GALNT16: variants seen among roughly 807,000 people sequenced by gnomAD.
GALNT16 encodes the protein UDP-GalNAc:polypeptide N-acetylgalactosaminyltransferase-like protein 1.
GALNT16 carries 40 observed loss-of-function variants against 76.1 expected under a neutral mutation model. The observed-to-expected ratio is 0.53, with a 90% CI of 0.41 to 0.68. GALNT16 has a LOEUF of 0.68. GALNT16 is among the 30% of genes least tolerant of loss of function. The probability of loss-of-function intolerance (pLI) is 0.00; values close to 1 mark genes in which losing one functional copy is unlikely to be tolerated. For synonymous variants in GALNT16, 276 were observed against 285.2 expected (o/e 0.97, Z 0.32); for missense variants, 621 against 731.9 (o/e 0.85, Z 1.75).
chr14:69,288,081 A>T (rs2044638899), intron 1 of GALNT16, among the ~76,000 whole-genome samples: 2 of 152,220 alleles, frequency 1.3e-5, no homozygotes, highest in African/African-American at 4.8e-5. Flanking sequence ...TGCCTAGCTC[A>T]ATTCTTTGTG....
At chr14:69,320,587 A>G (rs1192569496) in intron 1 of GALNT16, 124 bp from the exon 2 acceptor site, 1 of 715,848 alleles carries the variant, frequency 1.4e-6, no homozygotes. Context: ...TCTCCTCCTC[A>G]TAGAGTTGGC....
At chr14:69,263,370 G>A (rs1387483183) in intron 1 of GALNT16, among the ~76,000 whole-genome samples, 3 of 152,228 alleles carry the variant, frequency 2.0e-5, no homozygotes, top group African/African-American at 7.2e-5. Context: ...AAAGGGGCAG[G>A]TGCAGCTGAG....
chr14:69,265,105 T>TG (rs1482885015), intron 1 of GALNT16, among the ~76,000 whole-genome samples: 2 of 152,144 alleles, frequency 1.3e-5, no homozygotes, highest in African/African-American at 4.8e-5. Context: ...CGTGAGCCAC[T>TG]GCGCCCAGCC....
chr14:69,314,354 T>C (rs868539219), intron 1 of GALNT16, among the ~76,000 whole-genome samples: 2 of 152,236 alleles, frequency 1.3e-5, no homozygotes, highest in Non-Finnish European at 2.9e-5. Context: ...CAGTAAGAAC[T>C]GCCATTCTAT....
At chr14:69,288,303 C>T (rs2044643389) in intron 1 of GALNT16, among the ~76,000 whole-genome samples, 1 of 152,340 alleles carries the variant, frequency 6.6e-6, no homozygotes, top group African/African-American at 2.4e-5. Flanking sequence ...CCACTACCCC[C>T]TGCTGCGTCT....
At chr14:69,366,959 G>A in the GALNT16 span, among the ~76,000 whole-genome samples, 4 of 152,180 alleles carry the variant, frequency 2.6e-5, no homozygotes, top group Non-Finnish European at 5.9e-5. Context: ...GGTTATCATG[G>A]AAGGCTTCCT....
rs1164056627 is a variant in GALNT16, at chr14:69,312,055, ATCTGTCT to A, written c.178-8655_178-8649del. ...CCTGTTTCTAAAAAAAAAAAAAAAA[ATCTGTCT>A]ATCTATCTATCTATCTATCTATCTA... On this transcript the variant is annotated intron_variant, in intron 1 of 14. Coordinates refer to ENST00000448469, the MANE Select transcript of GALNT16 (RefSeq NM_001168368.2). Among the ~76,000 whole-genome samples, 197 of 90,152 alleles carry A rather than the reference ATCTGTCT, an allele frequency of 2.2e-3. 1 individual carries two copies. Among genetic ancestry groups the A allele is most frequent in the Admixed American group, 6.2e-3 (40 of 6,496 alleles). 59.1% of individuals were successfully genotyped at this position (90,152 alleles called of 152,430 possible).
chr14:69,297,229 C>T (rs76336831), intron 1 of GALNT16, among the ~76,000 whole-genome samples: 23 of 152,314 alleles, frequency 1.5e-4, no homozygotes, highest in East Asian at 1.3e-3. Flanking sequence ...CCCTCTTTGG[C>T]GGTCGTATCG....
At chr14:69,380,004 TACTTAA>T in the GALNT16 span, 1 of 151,142 alleles carries the variant, frequency 6.6e-6, no homozygotes, top group East Asian at 1.9e-4. Context: ...TGTTGCGCAC[TACTTAA>T]ACTTTCTTCA....
chr14:69,333,447 T>G lies in GALNT16; in HGVS notation c.864-50T>G, dbSNP rs1166776952. 1 of 1,146,124 alleles carries G rather than the reference T, an allele frequency of 8.7e-7. No homozygotes were observed. Among genetic ancestry groups the G allele is most frequent in the Admixed American group, 1.7e-5 (1 of 58,898 alleles). 71.0% of individuals were successfully genotyped at this position (1,146,124 alleles called of 1,614,324 possible). A position where few individuals can be genotyped will look rare whatever the true frequency, so the allele number is the denominator to read the frequency against. On this transcript the variant is annotated intron_variant, in intron 8 of 14. Coordinates refer to ENST00000448469, the MANE Select transcript of GALNT16 (RefSeq NM_001168368.2). The surrounding 1 kb of genome is among the most constrained non-coding windows in gnomAD (Gnocchi z 4.2). ...GGGTCCTGGGGCCATCTAAAGGGCC[T>G]CCTTGCTTCTCCAGCTCACGTGTTG...
At chr14:69,376,669 G>A in the GALNT16 span, among the ~76,000 whole-genome samples, 1 of 151,822 alleles carries the variant, frequency 6.6e-6, no homozygotes, top group Admixed American at 6.6e-5. Flanking sequence ...ACTGACTCAT[G>A]GTCAACTTGG....
intron 2 of GALNT16, among the ~76,000 whole-genome samples, chr14:69,322,981 TGCGCGC>T (rs1555400172): frequency 3.5e-5 from 1 of 28,324 alleles, no homozygotes; most frequent in Admixed American, 4.0e-4. Flanking sequence ...TGTGTGTGTG[TGCGCGC>T]GCACGCGCGC....
In GALNT16 at chr14:69,347,968, T is replaced by C. The variant is rs773637812; in HGVS notation, c.1505T>C (p.Ile502Thr). ...ATGTCCTCCCCTGGATCCCCAGTCA[T>C]ACTGCAGATGTGCAACCCTAGAGAA... ...TLMSSPGSPV[I>T]LQMCNPREGK... Residue 502 changes from isoleucine to threonine, a missense_variant, in exon 14 of 15, where the codon ATA (isoleucine) becomes ACA (threonine). Ile to Thr is a moderately conservative substitution (Grantham distance 89). Coordinates refer to ENST00000448469, the MANE Select transcript of GALNT16 (RefSeq NM_001168368.2). 40 of 1,613,958 alleles carry C rather than the reference T, an allele frequency of 2.5e-5. No individual in the cohort carries two copies. The Admixed American group carries it at 6.7e-4, about 27-fold the overall frequency.
chr14:69,261,467 A>T lies in GALNT16; in HGVS notation c.177+1000A>T, dbSNP rs2140092438. On this transcript the variant is annotated intron_variant, in intron 1 of 14. Transcript: ENST00000448469. The surrounding 1 kb of genome is among the most constrained non-coding windows in gnomAD (Gnocchi z 6.4). ...ACGAGAGCCTCGGACGACCCTCGGG[A>T]ACTACCAGGGCGGGGCAGCCTGGCC... is the stretch of plus-strand genomic sequence containing the variant. Among the ~76,000 whole-genome samples the T allele has an allele frequency of 6.6e-6, 1 of 152,106 alleles. No individual in the cohort carries two copies. The highest frequency in any genetic ancestry group is 1.9e-4 in the East Asian group (1 of 5,140).
chr14:69,337,211 A>G lies in GALNT16; in HGVS notation c.968-1440A>G, dbSNP rs567383370. On this transcript the variant is annotated intron_variant, in intron 9 of 14. Transcript: ENST00000448469. ...AGTGTGGCTTGCTGGACACAATGTG[A>G]ACTTGATGCTGCACTTCTGCAACTG... 2.2e-4 allele frequency among the ~76,000 whole-genome samples: 33 copies of G among 152,312 alleles called. 1 individual carries two copies. The South Asian group carries it at 6.8e-3, about 32-fold the overall frequency.
intron 1 of GALNT16, among the ~76,000 whole-genome samples, chr14:69,305,345 T>G (rs1275157279): frequency 1.3e-5 from 2 of 152,064 alleles, no homozygotes; most frequent in African/African-American, 4.8e-5. Flanking sequence ...GTATTTTGTG[T>G]AGAGACAGGG....
At chr14:69,306,879 C>T (rs914259244) in intron 1 of GALNT16, among the ~76,000 whole-genome samples, 20 of 152,140 alleles carry the variant, frequency 1.3e-4, no homozygotes, top group African/African-American at 4.6e-4. Flanking sequence ...ATAACCATTC[C>T]GGTGGCTTAA....
chr14:69,338,443 G>A (rs1001013652), intron 9 of GALNT16, among the ~76,000 whole-genome samples: 1 of 152,160 alleles, frequency 6.6e-6, no homozygotes, highest in African/African-American at 2.4e-5. Flanking sequence ...ATGTGTATAT[G>A]TGTGTGTGTG....
chr14:69,271,384 A>G (rs1362155837), intron 1 of GALNT16, among the ~76,000 whole-genome samples: 3 of 152,212 alleles, frequency 2.0e-5, no homozygotes, highest in Non-Finnish European at 1.5e-5. Flanking sequence ...CAGAGAGCCC[A>G]AGAAAGGGCC....
Sources: allele counts gnomAD v4.1 joint callset (sites outside exome capture counted in the v4.1 genomes callset), GRCh38; gene constraint gnomAD v4.1.1; non-coding constraint Gnocchi (gnomAD v3.1); transcripts MANE v1.5; gene names NCBI Gene and HGNC (gene_info 2026-07-23, HGNC 2026-07-21).